NEK11: variants seen among roughly 807,000 people sequenced by gnomAD.
NEK11 encodes the protein serine/threonine-protein kinase Nek11.
NEK11 carries 72 observed loss-of-function variants against 80.7 expected under a neutral mutation model. The observed-to-expected ratio is 0.89, with a 90% CI of 0.74 to 1.08. The LOEUF is 1.08. Ranked by LOEUF, NEK11 falls within the 50% of genes least tolerant of loss-of-function variation. NEK11 has a pLI of 0.00. For missense variants in NEK11, 764 were observed against 763.6 expected, an observed-to-expected ratio of 1.00 and a Z score of -0.01; for synonymous variants, 251 against 260.7, an observed-to-expected ratio of 0.96 and a Z score of 0.36.
intron 14 of NEK11, among the ~76,000 whole-genome samples, chr3:131,224,395 T>C (rs2095126250): frequency 6.6e-6 from 1 of 151,960 alleles, no homozygotes. Flanking sequence ...ACCCAGCTAA[T>C]TTTTTGTATT....
At chr3:131,302,019 G>A (rs1031233576) in intron 17 of NEK11, among the ~76,000 whole-genome samples, 2 of 152,044 alleles carry the variant, frequency 1.3e-5, no homozygotes, top group Admixed American at 6.6e-5. Flanking sequence ...TTTTATCACT[G>A]ATTCAGTTTT....
In NEK11 at chr3:131,273,464, G is replaced by A; in HGVS notation, c.1622-14G>A. The A allele has an allele frequency of 6.2e-7, 1 of 1,605,456 alleles. No individual in the cohort carries two copies. The highest frequency in any genetic ancestry group is 1.7e-5 in the Admixed American group (1 of 59,986). On this transcript the variant is annotated splice_polypyrimidine_tract_variant and intron_variant, in intron 16 of 17. Transcript: ENST00000383366. Reference sequence around the variant, plus strand: ...TGCTGATGAAGTCAATAAGGGCTGTGCATTGATTTTCAGACACAAAGACCA... The same window carrying A: ...TGCTGATGAAGTCAATAAGGGCTGTACATTGATTTTCAGACACAAAGACCA...
chr3:131,033,923 T>C (rs1177605307), intron 3 of NEK11, among the ~76,000 whole-genome samples: 1 of 152,110 alleles, frequency 6.6e-6, no homozygotes, highest in East Asian at 1.9e-4. Flanking sequence ...GAGATAGAGG[T>C]TTTTCCTTTA....
intron 16 of NEK11, among the ~76,000 whole-genome samples, chr3:131,253,945 A>G: frequency 6.6e-6 from 1 of 152,152 alleles, no homozygotes; most frequent in East Asian, 1.9e-4. Context: ...TAATATTGTT[A>G]AAGGGATTTA....
At chr3:131,163,319 C>T (rs757046441) in intron 11 of NEK11, among the ~76,000 whole-genome samples, 4 of 151,954 alleles carry the variant, frequency 2.6e-5, no homozygotes, top group Admixed American at 1.3e-4. Flanking sequence ...TCACAGTAGC[C>T]GAGATATGGA....
chr3:131,320,844 CAT>C (rs1251185508), intron 17 of NEK11, among the ~76,000 whole-genome samples: 1 of 152,054 alleles, frequency 6.6e-6, no homozygotes, highest in Admixed American at 6.6e-5. Flanking sequence ...GCTAAGAAAT[CAT>C]AGATGACACA....
chr3:131,139,188 ATAAT>A (rs1444059596), intron 7 of NEK11, among the ~76,000 whole-genome samples: 1 of 151,990 alleles, frequency 6.6e-6, no homozygotes, highest in Non-Finnish European at 1.5e-5. Flanking sequence ...AGAGAGTGAA[ATAAT>A]TAAAAAGAAT....
chr3:131,130,207 T>C (rs1479668285), intron 5 of NEK11, among the ~76,000 whole-genome samples: 1 of 152,212 alleles, frequency 6.6e-6, no homozygotes, highest in African/African-American at 2.4e-5. Flanking sequence ...GTAAATATAG[T>C]TTGATATAAA....
intron 10 of NEK11, among the ~76,000 whole-genome samples, chr3:131,158,290 C>T (rs116670135): frequency 6.6e-6 from 1 of 152,258 alleles, no homozygotes; most frequent in African/African-American, 2.4e-5. Context: ...CAGCCACCAC[C>T]CTCCCCATGT....
At chr3:131,193,631 T>C (rs1006832863) in intron 14 of NEK11, among the ~76,000 whole-genome samples, 1 of 152,140 alleles carries the variant, frequency 6.6e-6, no homozygotes, top group African/African-American at 2.4e-5. Context: ...ATAAACAGAA[T>C]TAATGTTTTC....
intron 3 of NEK11, among the ~76,000 whole-genome samples, chr3:131,038,118 G>A (rs1410393516): frequency 6.6e-6 from 1 of 151,900 alleles, no homozygotes; most frequent in Admixed American, 6.5e-5. Context: ...AGTATAACAT[G>A]AAAGCATATT....
intron 15 of NEK11, among the ~76,000 whole-genome samples, chr3:131,235,620 G>T (rs990601183): frequency 2.8e-4 from 43 of 152,060 alleles, no homozygotes; most frequent in African/African-American, 9.9e-4. Flanking sequence ...TGTCATCCCT[G>T]GGAAAACACC....
chr3:131,235,641 A>T (rs185319873), intron 15 of NEK11, among the ~76,000 whole-genome samples: 1 of 152,304 alleles, frequency 6.6e-6, no homozygotes, highest in East Asian at 1.9e-4. Context: ...AGTCATAATA[A>T]GACAGAGCTA....
chr3:131,071,703 T>C (rs2073340639), intron 3 of NEK11, among the ~76,000 whole-genome samples: 1 of 152,112 alleles, frequency 6.6e-6, no homozygotes, highest in Admixed American at 6.6e-5. Context: ...GAATTTTTAG[T>C]CATTTGTCCC....
rs76917999 is a variant in NEK11, at chr3:131,323,302, C to T, written c.1719-26255C>T. Among the ~76,000 whole-genome samples, 706 of 152,356 alleles carry T rather than the reference C, an allele frequency of 4.6e-3. 11 individuals are homozygous for T. The highest frequency in any genetic ancestry group is 0.016 in the African/African-American group (671 of 41,590). On this transcript the variant is annotated intron_variant, in intron 17 of 17. Coordinates refer to ENST00000383366, the MANE Select transcript of NEK11 (RefSeq NM_024800.5). ...CACCACAGCAGGTGCTAAAGCACAG[C>T]TCAGTCTTGATTCATCCCTTCTGTC...
rs550633652 is a variant in NEK11, at chr3:131,326,375, T to C, written c.1719-23182T>C. 3 of 152,624 alleles carry C rather than the reference T, an allele frequency of 2.0e-5. No individual in the cohort carries two copies. The East Asian group carries it at 5.8e-4, about 29-fold the overall frequency. 9.5% of individuals were successfully genotyped at this position (152,624 alleles called of 1,614,324 possible). On this transcript the variant is annotated intron_variant, in intron 17 of 17. Transcript: ENST00000383366. The stretch of plus-strand genomic sequence containing the variant: ...ACCTGACCTCCAGGCTCCCTGCTCC[T>C]GCCTGACCATCTCACCTTGTCTCTT...
At chr3:131,052,315 C>A (rs1036577395) in intron 3 of NEK11, among the ~76,000 whole-genome samples, 6 of 151,838 alleles carry the variant, frequency 4.0e-5, no homozygotes, top group African/African-American at 1.2e-4. Flanking sequence ...TATATTAAAT[C>A]TTTTCTTATT....
intron 3 of NEK11, chr3:131,053,692 T>A (rs773984580): frequency 6.6e-6 from 1 of 152,176 alleles, no homozygotes; most frequent in African/African-American, 2.4e-5. Context: ...GAAAATAGGA[T>A]GTGAATGCCA....
At chr3:131,210,499 C>T (rs1187997173) in intron 14 of NEK11, among the ~76,000 whole-genome samples, 2 of 152,132 alleles carry the variant, frequency 1.3e-5, no homozygotes, top group Admixed American at 1.3e-4. Context: ...CTGCTTGGTG[C>T]AGAGCTGAGT....
Sources: allele counts gnomAD v4.1 joint callset (sites outside exome capture counted in the v4.1 genomes callset), GRCh38; gene constraint gnomAD v4.1.1; transcripts MANE v1.5; gene names NCBI Gene and HGNC (gene_info 2026-07-23, HGNC 2026-07-21).